TNFRSF13B: variants seen among roughly 807,000 people sequenced by gnomAD.
TNFRSF13B encodes the protein tumor necrosis factor receptor superfamily member 13B.
In TNFRSF13B, 34 loss-of-function variants were observed where a neutral mutation model predicts 24.0. The observed-to-expected ratio is 1.41, with a 90% confidence interval of 1.08 to 1.88. TNFRSF13B has a LOEUF of 1.88. Ranked by LOEUF, TNFRSF13B falls within the 40% of genes most tolerant of loss-of-function variation. The pLI is 0.00. For missense variants in TNFRSF13B, 415 were observed against 380.8 expected, an observed-to-expected ratio of 1.09 and a Z score of -0.75; for synonymous variants, 173 against 150.3, an observed-to-expected ratio of 1.15 and a Z score of -1.10.
chr17:16,955,491 G>T (rs529614711), intron 1 of TNFRSF13B, among the ~76,000 whole-genome samples: 9 of 152,182 alleles, frequency 5.9e-5, no homozygotes, highest in Non-Finnish European at 1.3e-4. Flanking sequence ...AGATGTAATC[G>T]AATAAATTGT....
intron 1 of TNFRSF13B, among the ~76,000 whole-genome samples, chr17:16,962,892 C>T (rs986644857): frequency 2.0e-5 from 3 of 152,178 alleles, no homozygotes; most frequent in African/African-American, 7.2e-5. Context: ...CAGATAGTGA[C>T]GTCCAAGTTA....
At chr17:16,963,371 G>T (rs1288014420) in intron 1 of TNFRSF13B, among the ~76,000 whole-genome samples, 1 of 152,174 alleles carries the variant, frequency 6.6e-6, no homozygotes, top group African/African-American at 2.4e-5. Flanking sequence ...TTTCCTCCTT[G>T]GTGGGGAGGT....
chr17:16,943,942 A>G (rs927521202), intron 3 of TNFRSF13B, among the ~76,000 whole-genome samples: 1 of 152,200 alleles, frequency 6.6e-6, no homozygotes, highest in Non-Finnish European at 1.5e-5. Flanking sequence ...GAGTCGTCGC[A>G]GTAGAACCCC....
intron 1 of TNFRSF13B, among the ~76,000 whole-genome samples, chr17:16,961,435 G>A (rs1204355868): frequency 6.6e-6 from 1 of 152,232 alleles, no homozygotes; most frequent in African/African-American, 2.4e-5. Context: ...ACTTATACAT[G>A]CTACAATGTG....
Position 16,944,861 on chromosome 17 carries a change from G to C in TNFRSF13B, c.445+3877C>G, listed in dbSNP as rs977709729. Among the ~76,000 whole-genome samples the C allele has an allele frequency of 2.6e-5, 4 of 152,280 alleles. No homozygotes were observed. The East Asian group carries it at 5.8e-4, about 22-fold the overall frequency. The stretch of plus-strand genomic sequence containing the variant: ...TTCAGGGAGCCCACGGAAGGGGGCA[G>C]AGAACAGGTGAGCCCTTCCACCGTG... On this transcript the variant is annotated intron_variant, in intron 3 of 4. Transcript: ENST00000261652.
At chr17:16,971,898 G>A in intron 1 of TNFRSF13B, 117 bp downstream of exon 1, 1 of 1,011,094 alleles carries the variant, frequency 9.9e-7, no homozygotes, top group Non-Finnish European at 1.6e-6. Context: ...GACTGCCCCA[G>A]TGTGTGGATC....
chr17:16,948,581 G>GT (rs565309002), intron 3 of TNFRSF13B, among the ~76,000 whole-genome samples, 157 bp downstream of exon 3: 30 of 152,118 alleles, frequency 2.0e-4, no homozygotes, highest in South Asian at 1.0e-3. Flanking sequence ...TGCCTACATT[G>GT]TTTTTTTTAT....
chr17:16,947,958 C>T lies in TNFRSF13B; in HGVS notation c.445+780G>A, dbSNP rs190234190. Among the ~76,000 whole-genome samples, 244 of 152,206 alleles carry T rather than the reference C, an allele frequency of 1.6e-3. 1 individual carries two copies. The highest frequency in any genetic ancestry group is 8.4e-4 in the Non-Finnish European group (57 of 68,014). On this transcript the variant is annotated intron_variant, in intron 3 of 4. Coordinates refer to ENST00000261652, the MANE Select transcript of TNFRSF13B (RefSeq NM_012452.3). Reference sequence around the variant, plus strand: ...ACATGGAATCAATCTGGGTGCCCATCGATGGTTGGATAAAGAAAATGTGGT... The same window carrying T: ...ACATGGAATCAATCTGGGTGCCCATTGATGGTTGGATAAAGAAAATGTGGT...
Position 16,939,424 on chromosome 17 carries a change from T to G in TNFRSF13B, c.*123A>C. 2 of 1,192,288 alleles carry G rather than the reference T, an allele frequency of 1.7e-6. No individual in the cohort carries two copies. Among genetic ancestry groups the G allele is most frequent in the Non-Finnish European group, 2.3e-6 (2 of 865,546 alleles). The allele number at this position is 1,192,288 out of a possible 1,614,324, so 73.9% of individuals were successfully genotyped here. ...CTCTCTCCCTCTCTGTCTCCTCTGT[T>G]TCTCTCCCTCTCTGCCTCCTCTGTC... On this transcript the variant is annotated 3_prime_UTR_variant, in exon 5 of 5. Transcript: ENST00000261652.
chr17:16,947,740 G>A (rs9797203), intron 3 of TNFRSF13B, among the ~76,000 whole-genome samples: 33,358 of 152,154 alleles, frequency 0.22, 4,423 homozygotes, highest in East Asian at 0.66. Context: ...ACGCTTATAC[G>A]CTGTTGGTGG....
intron 1 of TNFRSF13B, among the ~76,000 whole-genome samples, chr17:16,959,531 A>G (rs1211454806): frequency 6.6e-6 from 1 of 152,078 alleles, no homozygotes; most frequent in Non-Finnish European, 1.5e-5. Flanking sequence ...GAGAAAATCA[A>G]CAAAACCAAA....
At chr17:16,967,795 A>G (rs1209878462) in intron 1 of TNFRSF13B, among the ~76,000 whole-genome samples, 1 of 149,488 alleles carries the variant, frequency 6.7e-6, no homozygotes, top group Non-Finnish European at 1.5e-5. Context: ...AAAAAAAGAA[A>G]CCAAACACAC....
intron 3 of TNFRSF13B, among the ~76,000 whole-genome samples, chr17:16,946,165 G>A (rs10468463): frequency 0.074 from 11,201 of 152,280 alleles, 523 homozygotes; most frequent in South Asian, 0.14. Flanking sequence ...GGCTAAGCAG[G>A]GACAACAGGG....
In TNFRSF13B at chr17:16,952,544, C is replaced by T; in HGVS notation, c.101G>A (p.Cys34Tyr). 1.2e-6 allele frequency: 2 copies of T among 1,614,214 alleles called. No individual in the cohort carries two copies. The highest frequency in any genetic ancestry group is 1.7e-6 in the Non-Finnish European group (2 of 1,180,020). Residue 34 changes from cysteine (C) to tyrosine (Y), a missense_variant, in exon 2 of 5, where the codon TGC (cysteine) becomes TAC (tyrosine). By Grantham distance (194) the Cys-to-Tyr change is radical (BLOSUM62 -2). Coordinates refer to ENST00000261652, the MANE Select transcript of TNFRSF13B (RefSeq NM_012452.3). ...GLWTGVAMRS[C>Y]PEEQYWDPLL... Reference sequence around the variant, plus strand: ...AGGATCCCAGTACTGCTCTTCGGGGCAGGATCTCATAGCCACCCCCGTCCA... The same window carrying T: ...AGGATCCCAGTACTGCTCTTCGGGGTAGGATCTCATAGCCACCCCCGTCCA...
At chr17:16,951,232 G>A (rs11651242) in intron 2 of TNFRSF13B, among the ~76,000 whole-genome samples, 3 of 151,988 alleles carry the variant, frequency 2.0e-5, no homozygotes, top group South Asian at 2.1e-4. Context: ...TGAGTTCCCC[G>A]CAATAAGTAT....
In TNFRSF13B at chr17:16,949,119, C is replaced by T. The variant is rs1597661418; in HGVS notation, c.200-136G>A. ...AGGCAATTCCAGAGTAAGCCAAGTA[C>T]TTTTACAATATACACATTGAAGACT... On this transcript the variant is annotated intron_variant, in intron 2 of 4. Coordinates refer to ENST00000261652, the MANE Select transcript of TNFRSF13B (RefSeq NM_012452.3). 4 of 1,149,970 alleles carry T rather than the reference C, an allele frequency of 3.5e-6. No homozygotes were observed. The African/African-American group carries it at 4.6e-5, about 13-fold the overall frequency. 71.2% of individuals were successfully genotyped at this position (1,149,970 alleles called of 1,614,324 possible). A position where few individuals can be genotyped will look rare whatever the true frequency, so the allele number is the denominator to read the frequency against.
chr17:16,964,513 T>G (rs1488099606), intron 1 of TNFRSF13B, among the ~76,000 whole-genome samples: 1 of 152,090 alleles, frequency 6.6e-6, no homozygotes, highest in Non-Finnish European at 1.5e-5. Flanking sequence ...CGGCTAATTT[T>G]TGTATTTTTA....
intron 1 of TNFRSF13B, among the ~76,000 whole-genome samples, chr17:16,969,931 G>C (rs529421337): frequency 5.3e-5 from 8 of 152,264 alleles, no homozygotes; most frequent in East Asian, 1.9e-4. Flanking sequence ...GCATATCACC[G>C]TGAAGGGTTG....
At chr17:16,942,296 G>T (rs2087516715) in intron 3 of TNFRSF13B, among the ~76,000 whole-genome samples, 2 of 152,186 alleles carry the variant, frequency 1.3e-5, no homozygotes, top group South Asian at 4.1e-4. Flanking sequence ...TCCCAGGCCG[G>T]TGCTCCAAGC....
Sources: allele counts gnomAD v4.1 joint callset (sites outside exome capture counted in the v4.1 genomes callset), GRCh38; gene constraint gnomAD v4.1.1; transcripts MANE v1.5; gene names NCBI Gene and HGNC (gene_info 2026-07-23, HGNC 2026-07-21).